The following TAFA1 variants were observed in gnomAD, a reference collection of about 807,000 sequenced individuals.
TAFA1 encodes the protein TAFA chemokine like family member 1, also known as chemokine-like protein TAFA-1.
TAFA1 carries 4 observed loss-of-function variants against 18.5 expected under a neutral mutation model. The ratio of observed to expected loss-of-function variants is 0.22; its 90% confidence interval spans 0.11 to 0.49. The LOEUF (loss-of-function observed/expected upper bound fraction) is 0.49, where lower values mean the gene tolerates loss of function less well. Ranked by LOEUF, TAFA1 falls within the 20% of genes least tolerant of loss-of-function variation. The pLI, the probability that TAFA1 is intolerant of heterozygous loss-of-function variation, is 0.98. For synonymous variants in TAFA1, 56 were observed against 55.2 expected (o/e 1.01, Z -0.06); for missense variants, 147 against 169.0 (o/e 0.87, Z 0.72).
At chr3:68,331,261 TAAATG>T (rs1294189414) in intron 2 of TAFA1, among the ~76,000 whole-genome samples, 1 of 152,114 alleles carries the variant, frequency 6.6e-6, no homozygotes, top group African/African-American at 2.4e-5. Flanking sequence ...AGGAAGTAAA[TAAATG>T]GTTGCTAGGG....
intron 2 of TAFA1, among the ~76,000 whole-genome samples, chr3:68,106,357 C>T (rs1163494851): frequency 6.6e-6 from 1 of 152,046 alleles, no homozygotes; most frequent in African/African-American, 2.4e-5. Flanking sequence ...CAGTAGCCAC[C>T]AGCCAAAGAG....
chr3:68,510,689 C>T (rs938224505), intron 3 of TAFA1, among the ~76,000 whole-genome samples: 4 of 152,118 alleles, frequency 2.6e-5, no homozygotes, highest in Non-Finnish European at 5.9e-5. Flanking sequence ...TTGAGTGAGT[C>T]AAATGAGTGA....
At chr3:68,526,447 T>C (rs1481311802) in intron 3 of TAFA1, among the ~76,000 whole-genome samples, 1 of 152,158 alleles carries the variant, frequency 6.6e-6, no homozygotes, top group East Asian at 1.9e-4. Context: ...GAACACTAGT[T>C]TTGCAAATGA....
intron 3 of TAFA1, among the ~76,000 whole-genome samples, chr3:68,532,416 T>G (rs1047777665): frequency 1.3e-5 from 2 of 152,150 alleles, no homozygotes; most frequent in African/African-American, 4.8e-5. Flanking sequence ...GTGTCAGACA[T>G]TGAGTCTTTT....
chr3:68,385,026 T>C (rs2070061811), intron 2 of TAFA1, among the ~76,000 whole-genome samples: 1 of 152,120 alleles, frequency 6.6e-6, no homozygotes, highest in Non-Finnish European at 1.5e-5. Flanking sequence ...TGTTGGATTA[T>C]TCTGTGTCCC....
intron 2 of TAFA1, among the ~76,000 whole-genome samples, chr3:68,082,100 C>G (rs778718554): frequency 3.5e-4 from 54 of 152,324 alleles, no homozygotes; most frequent in Admixed American, 6.5e-4. Context: ...TCACCCCTTT[C>G]TTTGACTTGG....
chr3:68,063,946 A>G (rs1435075477), intron 2 of TAFA1, among the ~76,000 whole-genome samples: 1 of 152,176 alleles, frequency 6.6e-6, no homozygotes, highest in African/African-American at 2.4e-5. Context: ...TTTTCTTTCC[A>G]AAGATTTCCT....
chr3:68,105,227 A>T (rs1262204207), intron 2 of TAFA1, among the ~76,000 whole-genome samples: 1 of 152,146 alleles, frequency 6.6e-6, no homozygotes, highest in Non-Finnish European at 1.5e-5. Flanking sequence ...AACATTGGGG[A>T]TCACATTTCA....
chr3:68,391,681 C>T (rs1389264060), intron 2 of TAFA1, among the ~76,000 whole-genome samples: 4 of 152,164 alleles, frequency 2.6e-5, no homozygotes, highest in African/African-American at 4.8e-5. Flanking sequence ...ACCCTATAAG[C>T]CAGAAGAGAG....
intron 2 of TAFA1, among the ~76,000 whole-genome samples, chr3:68,175,552 C>T (rs940325254): frequency 6.6e-6 from 1 of 152,180 alleles, no homozygotes; most frequent in African/African-American, 2.4e-5. Flanking sequence ...GGACTTTGTG[C>T]TTGCATGGGG....
chr3:68,372,018 A>G (rs2069715934), intron 2 of TAFA1, among the ~76,000 whole-genome samples: 1 of 152,218 alleles, frequency 6.6e-6, no homozygotes, highest in African/African-American at 2.4e-5. Flanking sequence ...GATGTAGGCT[A>G]GTATCTAATG....
intron 3 of TAFA1, among the ~76,000 whole-genome samples, chr3:68,518,292 C>A (rs916984350): frequency 1.1e-4 from 8 of 73,870 alleles, no homozygotes; most frequent in African/African-American, 2.6e-4. Context: ...GGAATGAATA[C>A]AATTTTTTTT....
At chr3:68,194,038 A>T (rs2066380608) in intron 2 of TAFA1, among the ~76,000 whole-genome samples, 1 of 151,812 alleles carries the variant, frequency 6.6e-6, no homozygotes, top group African/African-American at 2.4e-5. Context: ...TGAAAGACTA[A>T]TGACTCTCTG....
chr3:68,341,974 T>C (rs1431244284), intron 2 of TAFA1, among the ~76,000 whole-genome samples: 2 of 152,152 alleles, frequency 1.3e-5, no homozygotes, highest in African/African-American at 4.8e-5. Flanking sequence ...GAGTTGGTGG[T>C]TGAATGAAGG....
chr3:68,173,609 T>G (rs1039756809), intron 2 of TAFA1, among the ~76,000 whole-genome samples: 2 of 152,228 alleles, frequency 1.3e-5, no homozygotes, highest in African/African-American at 2.4e-5. Context: ...AATTCAAGAC[T>G]TATTTTCCTA....
chr3:68,422,048 G>A (rs2070964204), intron 3 of TAFA1, among the ~76,000 whole-genome samples: 1 of 151,990 alleles, frequency 6.6e-6, no homozygotes, highest in African/African-American at 2.4e-5. Context: ...TTACTACATT[G>A]TAAGATAACA....
intron 2 of TAFA1, among the ~76,000 whole-genome samples, chr3:68,092,410 G>C (rs182118853): frequency 6.6e-6 from 1 of 152,164 alleles, no homozygotes; most frequent in East Asian, 1.9e-4. Context: ...AGAGAAAAAG[G>C]TTCTGAGAAG....
intron 3 of TAFA1, among the ~76,000 whole-genome samples, chr3:68,500,393 A>G (rs1045114358): frequency 2.6e-5 from 4 of 152,160 alleles, no homozygotes; most frequent in Non-Finnish European, 4.4e-5. Context: ...TTGTTTTTAG[A>G]CTTCTCAGAC....
At chr3:68,135,152 G>A (rs1057100808) in intron 2 of TAFA1, among the ~76,000 whole-genome samples, 1 of 152,134 alleles carries the variant, frequency 6.6e-6, no homozygotes, top group African/African-American at 2.4e-5. Flanking sequence ...CTTTTAAAAA[G>A]CTTTGCTGAA....
Sources: allele counts gnomAD v4.1 joint callset (sites outside exome capture counted in the v4.1 genomes callset), GRCh38; gene constraint gnomAD v4.1.1; transcripts MANE v1.5; gene names NCBI Gene and HGNC (gene_info 2026-07-23, HGNC 2026-07-21).